CCDC73: variants seen among roughly 807,000 people sequenced by gnomAD.
CCDC73 encodes the protein coiled-coil domain containing 73.
In CCDC73, 95 loss-of-function variants were observed where a neutral mutation model predicts 116.5. The ratio of observed to expected loss-of-function variants is 0.82; its 90% CI spans 0.69 to 0.97. The LOEUF is 0.97. Among genes scored for constraint, CCDC73 ranks in the 50% least tolerant of loss-of-function variants. CCDC73 has a pLI of 0.00. For synonymous variants in CCDC73, 398 were observed against 401.3 expected (o/e 0.99, Z 0.10); for missense variants, 1,066 against 1,206.8 (o/e 0.88, Z 1.73).
chr11:32,810,497 G>A, the CCDC73 span, among the ~76,000 whole-genome samples: 1 of 152,080 alleles, frequency 6.6e-6, no homozygotes, highest in Non-Finnish European at 1.5e-5. Context: ...TAGTAAATTG[G>A]GTTCCTGACT....
chr11:32,630,839 A>G (rs1407954934), intron 14 of CCDC73, among the ~76,000 whole-genome samples: 1 of 152,250 alleles, frequency 6.6e-6, no homozygotes, highest in Non-Finnish European at 1.5e-5. Context: ...CAACATAAGA[A>G]AAGGAAATAT....
chr11:32,790,647 T>C (rs1850666560), intron 1 of CCDC73, among the ~76,000 whole-genome samples: 1 of 149,758 alleles, frequency 6.7e-6, no homozygotes, highest in Admixed American at 6.9e-5. Context: ...TACTAAAATC[T>C]TTACCAAATT....
chr11:32,708,902 T>A (rs1454810819), intron 3 of CCDC73, among the ~76,000 whole-genome samples: 1 of 150,718 alleles, frequency 6.6e-6, no homozygotes, highest in African/African-American at 2.4e-5. Context: ...ATGCCCTTTC[T>A]TTCTTTTGTC....
At chr11:32,644,873 C>T (rs1855763247) in intron 12 of CCDC73, among the ~76,000 whole-genome samples, 1 of 152,102 alleles carries the variant, frequency 6.6e-6, no homozygotes, top group South Asian at 2.1e-4. Flanking sequence ...TTGAGTCTGG[C>T]TTCATCTACT....
chr11:32,645,006 G>T (rs1313741306), intron 12 of CCDC73, among the ~76,000 whole-genome samples: 6 of 152,096 alleles, frequency 3.9e-5, no homozygotes, highest in African/African-American at 1.4e-4. Context: ...CCTCTGGGTT[G>T]AACATTTATG....
In CCDC73 at chr11:32,732,427, GA is replaced by G. The variant is rs796759497; in HGVS notation, c.136-14281del. On this transcript the variant is annotated intron_variant, in intron 2 of 17. Transcript: ENST00000335185. ...CAGGAAATACAGAGAACACCACAAA[GA>G]TACTCCTCATGAAGAGCAACTCCAA... Among the ~76,000 whole-genome samples the G allele has an allele frequency of 2.2e-4, 34 of 152,166 alleles. 1 individual carries two copies. Among genetic ancestry groups the G allele is most frequent in the African/African-American group, 7.5e-4 (31 of 41,496 alleles).
At chr11:32,800,168 A>G in the CCDC73 span, among the ~76,000 whole-genome samples, 2 of 152,302 alleles carry the variant, frequency 1.3e-5, no homozygotes, top group Non-Finnish European at 2.9e-5. Context: ...TCAATTAGCT[A>G]TTGAATTTTA....
chr11:32,695,959 T>G (rs1163877810), intron 6 of CCDC73, among the ~76,000 whole-genome samples: 1 of 152,070 alleles, frequency 6.6e-6, no homozygotes, highest in Non-Finnish European at 1.5e-5. Flanking sequence ...ATTATAAAAT[T>G]TTATTTTTAA....
chr11:32,812,152 G>A, the CCDC73 span, among the ~76,000 whole-genome samples: 1 of 152,012 alleles, frequency 6.6e-6, no homozygotes, highest in Non-Finnish European at 1.5e-5. Flanking sequence ...GTTCCCATTG[G>A]CCTATGTCCC....
rs1590631800 is a variant in CCDC73 at position 32,755,775 on chromosome 11, GTATATATATATATCTCCATATATGTGTA to G, written c.135+4306_135+4333del. Among the ~76,000 whole-genome samples, 11 of 105,042 alleles carry G rather than the reference GTATATATATATATCTCCATATATGTGTA, an allele frequency of 1.0e-4. 1 individual carries two copies. In the East Asian group the frequency reaches 2.6e-3, roughly 25 times the overall value. 68.9% of individuals were successfully genotyped at this position (105,042 alleles called of 152,430 possible). A position where few individuals can be genotyped will look rare whatever the true frequency, so the allele number is the denominator to read the frequency against. On this transcript the variant is annotated intron_variant, in intron 2 of 17. Coordinates refer to ENST00000335185, the MANE Select transcript of CCDC73 (RefSeq NM_001008391.4). The stretch of plus-strand genomic sequence containing the variant: ...TATATATATATCTCCATATATATGT[GTATATATATATATCTCCATATATGTGTA>G]TATATATATCTCCATATATATGTGT...
At chr11:32,759,362 G>A (rs1386078833) in intron 2 of CCDC73, among the ~76,000 whole-genome samples, 1 of 114,324 alleles carries the variant, frequency 8.7e-6, no homozygotes, top group African/African-American at 3.5e-5. Context: ...ATAGAGTCTT[G>A]CTCCGTCACC....
the CCDC73 span, among the ~76,000 whole-genome samples, chr11:32,828,816 CTG>C: frequency 1.3e-5 from 2 of 152,142 alleles, no homozygotes; most frequent in African/African-American, 2.4e-5. Flanking sequence ...AACATTAAAA[CTG>C]AGAAATTTTC....
intron 9 of CCDC73, among the ~76,000 whole-genome samples, chr11:32,670,924 CT>C (rs980198017): frequency 2.6e-4 from 39 of 152,020 alleles, no homozygotes; most frequent in African/African-American, 9.2e-4. Flanking sequence ...CTTTCTTTTT[CT>C]TTTATATATT....
chr11:32,614,603 T>A lies in CCDC73; in HGVS notation c.1715A>T (p.Asn572Ile). ...HTDVNLEVEN[N>I]KTSFNSILNE... is the part of the protein sequence containing the mutation. The stretch of plus-strand genomic sequence containing the variant: ...TAAAATACTGTTAAATGATGTTTTG[T>A]TATTTTCAACCTCCAGATTTACATC... Residue 572 changes from asparagine (N) to isoleucine (I), a missense_variant, in exon 16 of 18, where the codon AAC (asparagine) becomes ATC (isoleucine). Transcript: ENST00000335185. The A allele has an allele frequency of 1.9e-6, 3 of 1,612,048 alleles. No individual in the cohort carries two copies. Among genetic ancestry groups the A allele is most frequent in the Non-Finnish European group, 1.7e-6 (2 of 1,178,558 alleles).
At chr11:32,758,699 A>G (rs995024044) in intron 2 of CCDC73, 2 of 229,258 alleles carry the variant, frequency 8.7e-6, no homozygotes, top group African/African-American at 4.5e-5. Context: ...AAAATTTTTA[A>G]AGGAAGCATA....
intron 9 of CCDC73, among the ~76,000 whole-genome samples, chr11:32,670,019 A>T (rs1856021488): frequency 6.6e-6 from 1 of 152,202 alleles, no homozygotes; most frequent in South Asian, 2.1e-4. Context: ...TTTAAAAAAG[A>T]TACTAATCAT....
At chr11:32,617,033 C>T (rs1034097647) in intron 14 of CCDC73, among the ~76,000 whole-genome samples, 6 of 151,994 alleles carry the variant, frequency 3.9e-5, no homozygotes, top group South Asian at 2.1e-4. Flanking sequence ...TGGCATATAG[C>T]GATACTTAAG....
At chr11:32,775,101 G>A (rs1000116775) in intron 1 of CCDC73, among the ~76,000 whole-genome samples, 2 of 152,060 alleles carry the variant, frequency 1.3e-5, no homozygotes, top group African/African-American at 4.8e-5. Context: ...TTTACCAATA[G>A]AACTGTCTAC....
intron 3 of CCDC73, among the ~76,000 whole-genome samples, chr11:32,710,376 G>T (rs1278530010): frequency 1.3e-5 from 2 of 152,070 alleles, no homozygotes. Context: ...GGTTCTGATA[G>T]GTTGTGTCAC....
Sources: allele counts gnomAD v4.1 joint callset (sites outside exome capture counted in the v4.1 genomes callset), GRCh38; gene constraint gnomAD v4.1.1; transcripts MANE v1.5; gene names NCBI Gene and HGNC (gene_info 2026-07-23, HGNC 2026-07-21).